The following TLK1 variants were observed in gnomAD, a reference collection of about 807,000 sequenced individuals.
TLK1 encodes serine/threonine-protein kinase tousled-like 1.
A neutral mutation model predicts 105.3 loss-of-function variants in TLK1; 24 were observed. The ratio of observed to expected loss-of-function variants is 0.23; its 90% CI spans 0.17 to 0.32. The LOEUF (loss-of-function observed/expected upper bound fraction) is 0.32. Among genes scored for constraint, TLK1 ranks in the 10% least tolerant of loss-of-function variants. The probability of loss-of-function intolerance (pLI) is 1.00; values close to 1 mark genes in which losing one functional copy is unlikely to be tolerated. For synonymous variants in TLK1, 321 were observed against 310.4 expected (o/e 1.03, Z -0.36); for missense variants, 558 against 910.5 (o/e 0.61, Z 4.98).
At chr2:171,012,438 A>T (rs1406887914) in intron 13 of TLK1, among the ~76,000 whole-genome samples, 1 of 152,200 alleles carries the variant, frequency 6.6e-6, no homozygotes, top group African/African-American at 2.4e-5. Flanking sequence ...CACTTTCAAA[A>T]AAAAAGTCAG....
chr2:171,018,853 G>C (rs892824962), intron 12 of TLK1, among the ~76,000 whole-genome samples: 12 of 152,146 alleles, frequency 7.9e-5, no homozygotes, highest in Admixed American at 2.6e-4. Flanking sequence ...CAATGAAGAA[G>C]AGACATAAGT....
chr2:171,018,040 C>T (rs983005130), intron 12 of TLK1, among the ~76,000 whole-genome samples: 1 of 152,172 alleles, frequency 6.6e-6, no homozygotes, highest in Admixed American at 6.5e-5. Context: ...TCTGTGTTCC[C>T]TCAAAATTCA....
In TLK1 at chr2:170,993,686, A is replaced by AAG. The variant is rs1338005468; in HGVS notation, c.*93_*94insCT. 2.0e-4 allele frequency: 203 copies of AAG among 1,001,008 alleles called. No individual in the cohort carries two copies. Among genetic ancestry groups the AAG allele is most frequent in the East Asian group, 3.6e-4 (11 of 30,744 alleles). The allele number at this position is 1,001,008 out of a possible 1,614,324, so 62.0% of individuals were successfully genotyped here. On this transcript the variant is annotated 3_prime_UTR_variant, in exon 21 of 21. Coordinates refer to ENST00000431350, the MANE Select transcript of TLK1 (RefSeq NM_012290.5). ...TCTTGTGTAAAAAAAAAAAAAAAAA[A>AAG]AAAAGAAAAAGAAAACAAACACTCA...
chr2:170,998,502 A>G (rs961725683), intron 18 of TLK1, among the ~76,000 whole-genome samples: 1 of 152,008 alleles, frequency 6.6e-6, no homozygotes, highest in African/African-American at 2.4e-5. Flanking sequence ...GCCTTCCCTA[A>G]TCACTCCAAT....
intron 18 of TLK1, among the ~76,000 whole-genome samples, chr2:171,003,881 T>A (rs1050908112): frequency 2.0e-4 from 30 of 152,248 alleles, no homozygotes; most frequent in African/African-American, 7.0e-4. Flanking sequence ...GTACATTTTA[T>A]GGCAGTAAAT....
At chr2:171,101,671 T>C (rs781268677) in intron 2 of TLK1, among the ~76,000 whole-genome samples, 1 of 152,174 alleles carries the variant, frequency 6.6e-6, no homozygotes, top group East Asian at 1.9e-4. Context: ...AAGTTCACAT[T>C]AGTGGAGGGA....
intron 10 of TLK1, 46 bp downstream of exon 10, chr2:171,049,768 A>C (rs1203269600): frequency 1.2e-6 from 2 of 1,606,510 alleles, no homozygotes; most frequent in Non-Finnish European, 1.7e-6. Context: ...AAGTAATGAA[A>C]ACCCAAACGA....
At chr2:171,048,381 G>A (rs533404253) in intron 10 of TLK1, among the ~76,000 whole-genome samples, 287 of 152,292 alleles carry the variant, frequency 1.9e-3, no homozygotes, top group Non-Finnish European at 3.4e-3. Flanking sequence ...TAGTAGCAGA[G>A]CCTCTTGCTC....
At chr2:171,016,067 A>C (rs1685196199) in intron 12 of TLK1, among the ~76,000 whole-genome samples, 1 of 152,074 alleles carries the variant, frequency 6.6e-6, no homozygotes, top group South Asian at 2.1e-4. Flanking sequence ...AACAAGAGGG[A>C]AACTCCATCC....
intron 3 of TLK1, among the ~76,000 whole-genome samples, chr2:171,063,733 G>A (rs1006853846): frequency 3.3e-5 from 5 of 152,172 alleles, no homozygotes; most frequent in Admixed American, 1.3e-4. Flanking sequence ...TGTTCTAAAT[G>A]AGGGTAAAAA....
chr2:171,099,287 G>A (rs959820256), intron 2 of TLK1, among the ~76,000 whole-genome samples: 2 of 151,778 alleles, frequency 1.3e-5, no homozygotes, highest in African/African-American at 2.4e-5. Context: ...AAATACTTAG[G>A]AATAAACTTA....
chr2:171,042,879 G>C (rs1686754964), intron 11 of TLK1, among the ~76,000 whole-genome samples: 1 of 152,128 alleles, frequency 6.6e-6, no homozygotes, highest in South Asian at 2.1e-4. Flanking sequence ...TTTAACTTAA[G>C]ATATATGTAG....
At chr2:171,221,971 C>T (rs1415553857) in intron 1 of TLK1, among the ~76,000 whole-genome samples, 1 of 152,188 alleles carries the variant, frequency 6.6e-6, no homozygotes, top group South Asian at 2.1e-4. Flanking sequence ...TTACTGCTCA[C>T]CAAATACCCA....
intron 2 of TLK1, among the ~76,000 whole-genome samples, chr2:171,110,312 T>C (rs930552918): frequency 2.6e-5 from 4 of 152,042 alleles, no homozygotes; most frequent in East Asian, 1.9e-4. Context: ...CTACTAAAAA[T>C]ACAAAAATTA....
At chr2:171,057,191 G>A (rs1687542129) in intron 5 of TLK1, among the ~76,000 whole-genome samples, 1 of 152,052 alleles carries the variant, frequency 6.6e-6, no homozygotes, top group African/African-American at 2.4e-5. Context: ...GTTCACATAC[G>A]AAGGATGGGA....
chr2:171,223,277 G>T lies in TLK1; in HGVS notation c.-6+7868C>A, dbSNP rs147022684. On this transcript the variant is annotated intron_variant, in intron 1 of 20. Transcript: ENST00000521943. ...TACATTCCCACCAACAGTGTACAAG[G>T]ATTCCTCTTTCTCTTAATCCTCACC... Among the ~76,000 whole-genome samples the T allele has an allele frequency of 2.3e-4, 35 of 152,198 alleles. 1 individual carries two copies. In the East Asian group the frequency reaches 6.6e-3, roughly 28 times the overall value.
intron 1 of TLK1, among the ~76,000 whole-genome samples, chr2:171,122,451 C>G (rs565706777): frequency 5.3e-5 from 8 of 152,268 alleles, no homozygotes; most frequent in Admixed American, 3.9e-4. Flanking sequence ...GGTTCCTCCA[C>G]AAACCGACCA....
Position 171,029,456 on chromosome 2 carries a change from C to T in TLK1, c.1170-1051G>A, listed in dbSNP as rs563940030. 9.1e-4 allele frequency among the ~76,000 whole-genome samples: 139 copies of T among 152,134 alleles called. 1 individual carries two copies. The highest frequency in any genetic ancestry group is 3.3e-3 in the African/African-American group (137 of 41,506). ...AACAGCCTGGGCAACATAGCAAAAC[C>T]CCGTCTCAATCTCCCTCACCCCCAA... On this transcript the variant is annotated intron_variant, in intron 11 of 20. Transcript: ENST00000431350.
At chr2:171,032,621 T>C (rs1190790624) in intron 11 of TLK1, among the ~76,000 whole-genome samples, 1 of 152,190 alleles carries the variant, frequency 6.6e-6, no homozygotes, top group Non-Finnish European at 1.5e-5. Context: ...AGATATCCTA[T>C]GTCCACAGAT....
Sources: gnomAD v4.1 joint callset for allele counts (sites outside exome capture counted in the v4.1 genomes callset) on GRCh38, gnomAD v4.1.1 for gene constraint, MANE v1.5 for transcripts, NCBI Gene and HGNC (gene_info 2026-07-23, HGNC 2026-07-21) for gene names.